The following SLC35F1 variants were observed in gnomAD, a reference collection of about 807,000 sequenced individuals.
SLC35F1 encodes the protein chromosome 6 open reading frame 169.
SLC35F1 carries 14 observed loss-of-function variants against 48.7 expected under a neutral mutation model. The ratio of observed to expected loss-of-function variants is 0.29; its 90% CI spans 0.19 to 0.45. The LOEUF (loss-of-function observed/expected upper bound fraction) is 0.45. Among genes scored for constraint, SLC35F1 ranks in the 20% least tolerant of loss-of-function variants. SLC35F1 has a pLI of 1.00. For missense variants in SLC35F1, 404 were observed against 500.0 expected, an observed-to-expected ratio of 0.81 and a Z score of 1.83; for synonymous variants, 190 against 202.2, an observed-to-expected ratio of 0.94 and a Z score of 0.51.
chr6:118,076,760 CT>C (rs1261157593), intron 1 of SLC35F1, among the ~76,000 whole-genome samples: 1 of 152,150 alleles, frequency 6.6e-6, no homozygotes, highest in Non-Finnish European at 1.5e-5. Flanking sequence ...ATTTAAAATA[CT>C]GTCTTTACGA....
intron 3 of SLC35F1, among the ~76,000 whole-genome samples, chr6:118,249,969 T>C (rs921981334): frequency 6.6e-6 from 1 of 152,148 alleles, no homozygotes; most frequent in Non-Finnish European, 1.5e-5. Flanking sequence ...GCAGAAATCA[T>C]CTCAATAAGT....
chr6:118,234,155 T>A (rs1173633275), intron 2 of SLC35F1, among the ~76,000 whole-genome samples: 1 of 152,068 alleles, frequency 6.6e-6, no homozygotes, highest in East Asian at 1.9e-4. Context: ...CTGAAGTACA[T>A]CTCTAGGACT....
chr6:118,253,674 A>G (rs1385511131), intron 3 of SLC35F1, among the ~76,000 whole-genome samples: 1 of 152,132 alleles, frequency 6.6e-6, no homozygotes, highest in African/African-American at 2.4e-5. Context: ...AGGGAAAAAC[A>G]ACAGATAAAT....
intron 4 of SLC35F1, among the ~76,000 whole-genome samples, chr6:118,269,135 T>TA (rs1234077905): frequency 6.6e-6 from 1 of 152,190 alleles, no homozygotes; most frequent in Non-Finnish European, 1.5e-5. Context: ...ATTAATCCTG[T>TA]AAAAAATGTT....
chr6:118,314,374 G>C lies in SLC35F1; in HGVS notation c.*122G>C, dbSNP rs1478463547. Reference sequence around the variant, plus strand: ...GTTTACACAGGTGGACTGCAAGGTAGCAAATCCTCCAAAAGCTTGTGAAAG... The same window carrying C: ...GTTTACACAGGTGGACTGCAAGGTACCAAATCCTCCAAAAGCTTGTGAAAG... On this transcript the variant is annotated 3_prime_UTR_variant, in exon 8 of 8. Coordinates refer to ENST00000360388, the MANE Select transcript of SLC35F1 (RefSeq NM_001029858.4). 3 of 807,624 alleles carry C rather than the reference G, an allele frequency of 3.7e-6. No individual in the cohort carries two copies. In the African/African-American group the frequency reaches 5.2e-5, roughly 14 times the overall value. 50.0% of individuals were successfully genotyped at this position (807,624 alleles called of 1,614,324 possible). A position where few individuals can be genotyped will look rare whatever the true frequency, so the allele number is the denominator to read the frequency against.
intron 1 of SLC35F1, among the ~76,000 whole-genome samples, chr6:117,974,855 T>C (rs1220481108): frequency 6.6e-6 from 1 of 152,240 alleles, no homozygotes; most frequent in African/African-American, 2.4e-5. Context: ...TGCAAATCTC[T>C]TTAATGTCTG....
In SLC35F1 at chr6:117,999,356, A is replaced by G; in HGVS notation, c.173+91457A>G. The G allele has an allele frequency of 2.5e-6, 4 of 1,591,408 alleles. No homozygotes were observed. The South Asian group carries it at 3.3e-5, about 13-fold the overall frequency. On this transcript the variant is annotated intron_variant, in intron 1 of 7. Coordinates refer to ENST00000360388, the MANE Select transcript of SLC35F1 (RefSeq NM_001029858.4). ...CCGGCCAAAGGCCAAGGCCAAGGCC[A>G]AGGATCAAACCAAGGCCCAGGCTGC...
intron 1 of SLC35F1, among the ~76,000 whole-genome samples, chr6:117,971,426 G>T (rs1189613177): frequency 6.6e-6 from 1 of 152,214 alleles, no homozygotes; most frequent in Non-Finnish European, 1.5e-5. Context: ...GCTGTCACTG[G>T]ATCACAGTTC....
At chr6:118,308,796 G>T (rs1389962692) in intron 7 of SLC35F1, among the ~76,000 whole-genome samples, 5 of 152,148 alleles carry the variant, frequency 3.3e-5, no homozygotes, top group Non-Finnish European at 5.9e-5. Flanking sequence ...TTTCTGTGCA[G>T]CCCCTTATGC....
intron 7 of SLC35F1, among the ~76,000 whole-genome samples, chr6:118,309,431 C>T (rs1776349168): frequency 6.6e-6 from 1 of 151,988 alleles, no homozygotes; most frequent in South Asian, 2.1e-4. Context: ...AAAACCAGGC[C>T]CACCATATAG....
chr6:118,140,298 T>A, intron 1 of SLC35F1, among the ~76,000 whole-genome samples: 1 of 152,196 alleles, frequency 6.6e-6, no homozygotes, highest in East Asian at 1.9e-4. Context: ...TTAGAGTCAA[T>A]GATGGACGGC....
At chr6:117,969,070 T>G (rs1776606616) in intron 1 of SLC35F1, among the ~76,000 whole-genome samples, 1 of 152,220 alleles carries the variant, frequency 6.6e-6, no homozygotes, top group Non-Finnish European at 1.5e-5. Flanking sequence ...AGTACTATAT[T>G]ATCTACCCCA....
At chr6:117,949,656 G>A (rs17079583) in intron 1 of SLC35F1, among the ~76,000 whole-genome samples, 2,730 of 152,106 alleles carry the variant, frequency 0.018, 179 homozygotes, top group East Asian at 0.13. Flanking sequence ...TGTAATTATC[G>A]CCTTCAGGTT....
At chr6:118,281,221 T>TAA (rs1554244303) in intron 6 of SLC35F1, among the ~76,000 whole-genome samples, 9 of 149,140 alleles carry the variant, frequency 6.0e-5, no homozygotes, top group East Asian at 2.0e-4. Context: ...TATATATATA[T>TAA]AAAATATTAA....
chr6:118,100,028 T>C (rs1773233923), intron 1 of SLC35F1, among the ~76,000 whole-genome samples: 1 of 152,198 alleles, frequency 6.6e-6, no homozygotes, highest in South Asian at 2.1e-4. Context: ...GCATATATAA[T>C]GCATTTATCC....
At chr6:118,266,549 T>A (rs528116733) in intron 3 of SLC35F1, among the ~76,000 whole-genome samples, 2 of 152,304 alleles carry the variant, frequency 1.3e-5, no homozygotes, top group African/African-American at 4.8e-5. Context: ...TTCTAATAAT[T>A]CATAAAACAT....
intron 1 of SLC35F1, among the ~76,000 whole-genome samples, chr6:118,060,892 C>A (rs1772527234): frequency 6.6e-6 from 1 of 152,178 alleles, no homozygotes; most frequent in Non-Finnish European, 1.5e-5. Context: ...GAGAGTAGAT[C>A]CAGGAGTAAA....
chr6:118,051,902 A>C (rs1324541959), intron 1 of SLC35F1, among the ~76,000 whole-genome samples: 1 of 152,152 alleles, frequency 6.6e-6, no homozygotes, highest in Non-Finnish European at 1.5e-5. Context: ...GAAGAACCAG[A>C]GTGGTGATCA....
At chr6:118,201,382 C>A (rs182397735) in intron 2 of SLC35F1, among the ~76,000 whole-genome samples, 10 of 152,244 alleles carry the variant, frequency 6.6e-5, no homozygotes, top group Admixed American at 6.5e-4. Context: ...CATATCATTT[C>A]TCGTAATCAG....
Sources: gnomAD v4.1 joint callset for allele counts (sites outside exome capture counted in the v4.1 genomes callset) on GRCh38, gnomAD v4.1.1 for gene constraint, MANE v1.5 for transcripts, NCBI Gene and HGNC (gene_info 2026-07-23, HGNC 2026-07-21) for gene names.